The following AATF variants were observed in gnomAD, a reference collection of about 807,000 sequenced individuals.
AATF encodes the protein apoptosis antagonizing transcription factor.
AATF carries 48 observed loss-of-function variants against 63.7 expected under a neutral mutation model. The observed-to-expected ratio is 0.75, with a 90% CI of 0.60 to 0.96. AATF has a LOEUF of 0.96. Among genes scored for constraint, AATF ranks in the 40% least tolerant of loss-of-function variants. AATF has a pLI of 0.00. For missense variants in AATF, 639 were observed against 685.7 expected (o/e 0.93, Z 0.76); for synonymous variants, 258 against 247.7 (o/e 1.04, Z -0.39).
chr17:37,001,150 C>G (rs2071291293), intron 8 of AATF, among the ~76,000 whole-genome samples: 1 of 152,008 alleles, frequency 6.6e-6, no homozygotes, highest in Non-Finnish European at 1.5e-5. Flanking sequence ...GAGACCCCGT[C>G]TCTATAAAAA....
chr17:37,046,611 T>C (rs1044748280), intron 11 of AATF, among the ~76,000 whole-genome samples: 3 of 152,114 alleles, frequency 2.0e-5, no homozygotes, highest in Admixed American at 6.5e-5. Context: ...CTCCAACTTA[T>C]TACCAGAAGT....
chr17:37,009,169 T>C (rs1350366310), intron 8 of AATF, among the ~76,000 whole-genome samples: 1 of 152,142 alleles, frequency 6.6e-6, no homozygotes, highest in Non-Finnish European at 1.5e-5. Flanking sequence ...TTCACTCTTG[T>C]TGCCCAGGCT....
intron 8 of AATF, among the ~76,000 whole-genome samples, chr17:37,008,184 T>C (rs2071356558): frequency 6.6e-6 from 1 of 152,238 alleles, no homozygotes; most frequent in South Asian, 2.1e-4. Flanking sequence ...TTAGGGACTA[T>C]CTATGAGCAT....
intron 8 of AATF, among the ~76,000 whole-genome samples, chr17:37,015,740 C>T (rs1715724486): frequency 6.6e-6 from 1 of 152,124 alleles, no homozygotes; most frequent in Non-Finnish European, 1.5e-5. Flanking sequence ...GAAAAGGCTC[C>T]TCTGCTTTCC....
At chr17:37,034,032 A>T (rs948405514) in intron 11 of AATF, among the ~76,000 whole-genome samples, 1 of 152,182 alleles carries the variant, frequency 6.6e-6, no homozygotes, top group African/African-American at 2.4e-5. Context: ...GACATTTATA[A>T]GGAGAAAGGG....
At chr17:36,988,208 C>T (rs960769591) in intron 5 of AATF, among the ~76,000 whole-genome samples, 5 of 151,984 alleles carry the variant, frequency 3.3e-5, no homozygotes, top group African/African-American at 1.2e-4. Context: ...TCCCAGCTAC[C>T]CATGAGGCTG....
At chr17:36,951,286 T>C (rs2142198929) in intron 2 of AATF, among the ~76,000 whole-genome samples, 1 of 152,294 alleles carries the variant, frequency 6.6e-6, no homozygotes, top group East Asian at 1.9e-4. Context: ...TGGGAGCTCC[T>C]GATAAGCTCA....
chr17:36,981,567 C>T (rs1268996291), intron 4 of AATF, among the ~76,000 whole-genome samples: 1 of 151,878 alleles, frequency 6.6e-6, no homozygotes, highest in Non-Finnish European at 1.5e-5. Flanking sequence ...CCTCAGCCTC[C>T]CAAGTATCAG....
intron 4 of AATF, among the ~76,000 whole-genome samples, chr17:36,963,530 C>T (rs895147588): frequency 1.2e-4 from 19 of 152,148 alleles, no homozygotes; most frequent in African/African-American, 4.6e-4. Context: ...GACTTTAGAA[C>T]CCAACTGCTG....
intron 11 of AATF, among the ~76,000 whole-genome samples, chr17:37,041,599 G>A (rs2071640694): frequency 6.6e-6 from 1 of 151,970 alleles, no homozygotes; most frequent in African/African-American, 2.4e-5. Flanking sequence ...TCCGCCTCCC[G>A]GGTTCAAGTG....
intron 11 of AATF, among the ~76,000 whole-genome samples, chr17:37,044,219 G>A (rs1385528866): frequency 6.6e-6 from 1 of 152,108 alleles, no homozygotes; most frequent in Non-Finnish European, 1.5e-5. Flanking sequence ...CTGCTTCCAT[G>A]TCACTTTGTA....
chr17:37,017,165 C>T (rs962337247), intron 8 of AATF, among the ~76,000 whole-genome samples: 1 of 152,142 alleles, frequency 6.6e-6, no homozygotes, highest in Non-Finnish European at 1.5e-5. Flanking sequence ...CACTTGCACC[C>T]CGGTGACCCT....
intron 5 of AATF, among the ~76,000 whole-genome samples, chr17:36,987,615 A>G (rs1194854535): frequency 1.3e-5 from 2 of 152,132 alleles, no homozygotes; most frequent in Non-Finnish European, 2.9e-5. Context: ...TTGAGCACCT[A>G]TTATATGTTG....
chr17:37,033,542 T>C (rs1252454010), intron 11 of AATF, among the ~76,000 whole-genome samples: 1 of 152,210 alleles, frequency 6.6e-6, no homozygotes, highest in Non-Finnish European at 1.5e-5. Context: ...ATCTTACCAA[T>C]ATTAACTCCT....
At chr17:37,037,573 C>G (rs1040388363) in intron 11 of AATF, among the ~76,000 whole-genome samples, 2 of 152,180 alleles carry the variant, frequency 1.3e-5, no homozygotes, top group African/African-American at 2.4e-5. Context: ...CCCACCTGCC[C>G]CATGCCATTA....
chr17:37,043,789 A>AGCCTTC (rs2071665083), intron 11 of AATF, among the ~76,000 whole-genome samples: 1 of 152,154 alleles, frequency 6.6e-6, no homozygotes, highest in Non-Finnish European at 1.5e-5. Context: ...CACCCTGGGA[A>AGCCTTC]GCCTTCTTTA....
intron 10 of AATF, among the ~76,000 whole-genome samples, chr17:37,026,475 G>T (rs534511857): frequency 1.2e-4 from 19 of 152,308 alleles, no homozygotes; most frequent in African/African-American, 4.3e-4. Flanking sequence ...GTTTACATGC[G>T]GAGGCAGAAA....
At chr17:36,974,930 A>G (rs2071068440) in intron 4 of AATF, among the ~76,000 whole-genome samples, 1 of 152,154 alleles carries the variant, frequency 6.6e-6, no homozygotes, top group Admixed American at 6.6e-5. Context: ...TATCTACCTC[A>G]GAAGACCTCT....
intron 4 of AATF, among the ~76,000 whole-genome samples, chr17:36,960,228 G>A (rs1282924367): frequency 3.3e-5 from 5 of 152,212 alleles, no homozygotes; most frequent in South Asian, 4.2e-4. Context: ...TGGCCAGGCC[G>A]GTCTTGAACT....
Sources: gnomAD v4.1 joint callset for allele counts (sites outside exome capture counted in the v4.1 genomes callset) on GRCh38, gnomAD v4.1.1 for gene constraint, MANE v1.5 for transcripts, NCBI Gene and HGNC (gene_info 2026-07-23, HGNC 2026-07-21) for gene names.